Variants in HACD3 observed in about 807,000 individuals in gnomAD.
HACD3 encodes the protein very-long-chain (3R)-3-hydroxyacyl-CoA dehydratase 3.
A neutral mutation model predicts 55.2 loss-of-function variants in HACD3; 30 were observed. The observed-to-expected ratio is 0.54, with a 90% CI of 0.41 to 0.74. The LOEUF (loss-of-function observed/expected upper bound fraction) is 0.74. Among genes scored for constraint, HACD3 ranks in the 30% least tolerant of loss-of-function variants. HACD3 has a pLI of 0.00. For synonymous variants in HACD3, 141 were observed against 151.7 expected (o/e 0.93, Z 0.52); for missense variants, 363 against 440.1 (o/e 0.82, Z 1.57).
rs770186116 is a variant in HACD3 at position 65,554,968 on chromosome 15, C to T, written c.204+8C>T. 6.3e-7 allele frequency: 1 copy of T among 1,587,198 alleles called. No individual in the cohort carries two copies. Among genetic ancestry groups the T allele is most frequent in the Admixed American group, 1.7e-5 (1 of 59,820 alleles). On this transcript the variant is annotated splice_region_variant and intron_variant, in intron 3 of 10. Coordinates refer to ENST00000261875, the MANE Select transcript of HACD3 (RefSeq NM_016395.4). ...GACCTTGTGAAACCAGAGGTATGTT[C>T]TTTCCTTTCTCACTTCCCTTCCCAT... is the stretch of plus-strand genomic sequence containing the variant.
intron 10 of HACD3, among the ~76,000 whole-genome samples, chr15:65,574,923 G>A (rs1165954412): frequency 6.6e-6 from 1 of 152,068 alleles, no homozygotes; most frequent in Non-Finnish European, 1.5e-5. Flanking sequence ...AATAAATATT[G>A]GAAAGACATT....
intron 4 of HACD3, among the ~76,000 whole-genome samples, chr15:65,557,626 T>TTAAAGTC (rs1360338388): frequency 6.6e-6 from 1 of 152,204 alleles, no homozygotes; most frequent in Non-Finnish European, 1.5e-5. Context: ...ATGTGTAGCC[T>TTAAAGTC]ACATTTAAGG....
intron 1 of HACD3, among the ~76,000 whole-genome samples, chr15:65,534,133 T>C (rs898307295): frequency 6.6e-6 from 1 of 152,230 alleles, no homozygotes; most frequent in African/African-American, 2.4e-5. Flanking sequence ...AAATCGTTTA[T>C]GGAGTACCTA....
intron 1 of HACD3, among the ~76,000 whole-genome samples, chr15:65,544,321 T>C (rs1266385739): frequency 6.6e-6 from 1 of 152,206 alleles, no homozygotes; most frequent in African/African-American, 2.4e-5. Flanking sequence ...ACTGTGACAG[T>C]TGGTAGATGA....
At chr15:65,573,930 A>G (rs1270080427) in intron 10 of HACD3, among the ~76,000 whole-genome samples, 1 of 152,184 alleles carries the variant, frequency 6.6e-6, no homozygotes, top group African/African-American at 2.4e-5. Flanking sequence ...TCCTAACTAT[A>G]AGGACTCTTT....
chr15:65,547,466 CAT>C (rs943811479), intron 1 of HACD3, among the ~76,000 whole-genome samples: 10 of 152,322 alleles, frequency 6.6e-5, no homozygotes, highest in Admixed American at 2.0e-4. Context: ...CTCTGCCTAA[CAT>C]GTACCAAAAT....
At chr15:65,532,129 C>T (rs2071907143) in intron 1 of HACD3, among the ~76,000 whole-genome samples, 1 of 152,132 alleles carries the variant, frequency 6.6e-6, no homozygotes, top group Admixed American at 6.6e-5. Context: ...TTTAAATAGG[C>T]TATGACATTG....
In HACD3 at chr15:65,563,862, C is replaced by T. The variant is rs181725385; in HGVS notation, c.533-353C>T. On this transcript the variant is annotated intron_variant, in intron 6 of 10. Transcript: ENST00000261875. ...GTGCGTGCCTGTAGTCCCAGCTACTCGGGAGGCTGAGGCAGGAGAATCACT... is the reference window on the plus strand; with the variant it reads ...GTGCGTGCCTGTAGTCCCAGCTACTTGGGAGGCTGAGGCAGGAGAATCACT... Among the ~76,000 whole-genome samples, 1,147 of 151,958 alleles carry T rather than the reference C, an allele frequency of 7.5e-3. 15 individuals carry two copies. The highest frequency in any genetic ancestry group is 0.026 in the African/African-American group (1,092 of 41,434).
rs571331172 is a variant in HACD3, at chr15:65,540,556, C to G, written c.87+9838C>G. ...AAGAACATTCCAACAAGTCCACAGA[C>G]TTAGAGGCAGGCAAAGGCTTAGTGG... On this transcript the variant is annotated intron_variant, in intron 1 of 10. Coordinates refer to ENST00000261875, the MANE Select transcript of HACD3 (RefSeq NM_016395.4). 3.9e-5 allele frequency among the ~76,000 whole-genome samples: 6 copies of G among 152,186 alleles called. No homozygotes were observed. In the South Asian group the frequency reaches 1.0e-3, roughly 26 times the overall value.
At chr15:65,556,590 T>TCTAG (rs1398771916) in intron 3 of HACD3, 149 bp from the exon 4 acceptor site, 1 of 798,428 alleles carries the variant, frequency 1.3e-6, no homozygotes, top group African/African-American at 1.7e-5. Flanking sequence ...AGACCCCTGG[T>TCTAG]CTAGATGTTC....
At position 65,568,496 on chromosome 15, in the gene HACD3, C is replaced by T. The variant is rs554693673; in HGVS notation, c.661-1595C>T. Among the ~76,000 whole-genome samples, 13 of 151,550 alleles carry T rather than the reference C, an allele frequency of 8.6e-5. No homozygotes were observed. The South Asian group carries it at 1.9e-3, about 22-fold the overall frequency. ...ACCTCAGCCTCCCGAGTAGCTGGGA[C>T]TACAGGCATCTGCCACCACGCCTGG... On this transcript the variant is annotated intron_variant, in intron 7 of 10. Coordinates refer to ENST00000261875, the MANE Select transcript of HACD3 (RefSeq NM_016395.4).
At chr15:65,531,024 GC>G (rs1242486219) in intron 1 of HACD3, among the ~76,000 whole-genome samples, 1 of 152,202 alleles carries the variant, frequency 6.6e-6, no homozygotes, top group Non-Finnish European at 1.5e-5. Context: ...CCCAGGCCCG[GC>G]CCTGGCTGCC....
chr15:65,534,294 C>G (rs1266657377), intron 1 of HACD3: 1 of 152,200 alleles, frequency 6.6e-6, no homozygotes, highest in Non-Finnish European at 1.5e-5. Flanking sequence ...TCCCTCCATC[C>G]TGACACAGGG....
intron 5 of HACD3, 47 bp from the exon 6 acceptor site, chr15:65,562,727 C>T: frequency 6.3e-7 from 1 of 1,594,734 alleles, no homozygotes. Flanking sequence ...CTGTCTCCTG[C>T]TGGGACTATT....
chr15:65,552,012 T>A (rs1318090447), intron 2 of HACD3: 1 of 310,762 alleles, frequency 3.2e-6, no homozygotes, highest in African/African-American at 2.2e-5. Context: ...TCTGCCGCTA[T>A]CTTGGACAAG....
intron 2 of HACD3, among the ~76,000 whole-genome samples, chr15:65,553,460 C>T (rs2072155542): frequency 6.6e-6 from 1 of 152,128 alleles, no homozygotes; most frequent in Admixed American, 6.5e-5. Context: ...CACTGTCACC[C>T]AGTGGGGTAG....
chr15:65,569,574 T>C (rs1317343470), intron 7 of HACD3, among the ~76,000 whole-genome samples: 2 of 151,768 alleles, frequency 1.3e-5, no homozygotes, highest in Non-Finnish European at 2.9e-5. Context: ...AGTGTGGTAG[T>C]ACACACACCT....
chr15:65,537,953 AAAAAAATATAT>A (rs2071977008), intron 1 of HACD3, among the ~76,000 whole-genome samples: 1 of 13,904 alleles, frequency 7.2e-5, no homozygotes, highest in African/African-American at 1.5e-4. Context: ...AAAAAAAAAA[AAAAAAATATAT>A]ATATATATAT....
intron 1 of HACD3, among the ~76,000 whole-genome samples, chr15:65,537,517 A>G (rs1318762487): frequency 2.0e-5 from 3 of 151,730 alleles, no homozygotes; most frequent in Non-Finnish European, 2.9e-5. Flanking sequence ...TCGGCCGGGC[A>G]TGGTGGCTCA....
Sources: gnomAD v4.1 joint callset for allele counts (sites outside exome capture counted in the v4.1 genomes callset) on GRCh38, gnomAD v4.1.1 for gene constraint, MANE v1.5 for transcripts, NCBI Gene and HGNC (gene_info 2026-07-23, HGNC 2026-07-21) for gene names.